The following BACH2 variants were observed in gnomAD, a reference collection of about 807,000 sequenced individuals.
The protein encoded by BACH2 is BACH transcriptional regulator 2.
BACH2 carries 5 observed loss-of-function variants against 61.8 expected under a neutral mutation model. The observed-to-expected ratio is 0.08, with a 90% CI of 0.04 to 0.17. The LOEUF is 0.17. BACH2 is among the 10% of genes least tolerant of loss of function. The pLI is 1.00. For missense variants in BACH2, 824 were observed against 1,091.1 expected (o/e 0.76, Z 3.45); for synonymous variants, 446 against 440.1 (o/e 1.01, Z -0.17).
intron 4 of BACH2, among the ~76,000 whole-genome samples, chr6:90,175,208 A>C (rs1767947611): frequency 6.6e-6 from 1 of 151,246 alleles, no homozygotes; most frequent in Admixed American, 6.6e-5. Context: ...TTCAAGTTGG[A>C]AAACACAGGC....
intron 5 of BACH2, among the ~76,000 whole-genome samples, chr6:90,057,369 C>G (rs1325263118): frequency 1.3e-5 from 2 of 152,172 alleles, no homozygotes; most frequent in African/African-American, 4.8e-5. Context: ...ACTAGAAAAT[C>G]TAGAAGAAAC....
chr6:90,227,231 A>G (rs1769945156), intron 3 of BACH2, among the ~76,000 whole-genome samples: 1 of 152,194 alleles, frequency 6.6e-6, no homozygotes, highest in Non-Finnish European at 1.5e-5. Flanking sequence ...TAATACACAT[A>G]AAGTGTTTGC....
At chr6:90,060,407 G>C (rs1348133033) in intron 5 of BACH2, among the ~76,000 whole-genome samples, 1 of 151,910 alleles carries the variant, frequency 6.6e-6, no homozygotes, top group Non-Finnish European at 1.5e-5. Context: ...TCATTAATTA[G>C]TCCATTACAA....
chr6:90,261,648 G>A (rs942920318), intron 2 of BACH2, among the ~76,000 whole-genome samples: 1 of 152,060 alleles, frequency 6.6e-6, no homozygotes, highest in African/African-American at 2.4e-5. Flanking sequence ...CATACCCTCA[G>A]ATCATTCCTT....
intron 4 of BACH2, among the ~76,000 whole-genome samples, chr6:90,169,272 T>C (rs1322589966): frequency 6.6e-6 from 1 of 152,250 alleles, no homozygotes; most frequent in African/African-American, 2.4e-5. Flanking sequence ...CAGAGTTCTT[T>C]ATCTTTACAA....
At position 89,929,532 on chromosome 6, in the gene BACH2, T is replaced by G. The variant is rs1453862014; in HGVS notation, c.*2876A>C. 6.6e-6 allele frequency: 1 copy of G among 152,340 alleles called. No individual in the cohort carries two copies. Among genetic ancestry groups the G allele is most frequent in the East Asian group, 1.9e-4 (1 of 5,334 alleles). 9.4% of individuals were successfully genotyped at this position (152,340 alleles called of 1,614,324 possible). On this transcript the variant is annotated 3_prime_UTR_variant, in exon 9 of 9. Transcript: ENST00000257749. ...TGAATGAAATAACTTGTGAGAAATC[T>G]CTATGAAATTGGAAGATGGTTTTTA...
In BACH2 at chr6:90,014,847, T is replaced by C. The variant is rs1291574460; in HGVS notation, c.-12-5991A>G. Among the ~76,000 whole-genome samples, 7 of 152,056 alleles carry C rather than the reference T, an allele frequency of 4.6e-5. No homozygotes were observed. In the East Asian group the frequency reaches 9.7e-4, roughly 21 times the overall value. ...TGGCTGGAGTGCAGTGGCGTGATCA[T>C]AGCTAACTGCAACCTCAAACTCCTG... On this transcript the variant is annotated intron_variant, in intron 5 of 8. Coordinates refer to ENST00000257749, the MANE Select transcript of BACH2 (RefSeq NM_021813.4).
At chr6:90,026,828 T>C (rs1311564469) in intron 5 of BACH2, among the ~76,000 whole-genome samples, 3 of 152,288 alleles carry the variant, frequency 2.0e-5, no homozygotes, top group African/African-American at 7.2e-5. Context: ...ATGGGGGTCT[T>C]TTGGACAAAA....
intron 1 of BACH2, among the ~76,000 whole-genome samples, chr6:90,281,132 C>T (rs1416850454): frequency 6.6e-6 from 1 of 152,182 alleles, no homozygotes; most frequent in Non-Finnish European, 1.5e-5. Context: ...ATTACATTCC[C>T]TGATCTAAAG....
At chr6:90,057,096 A>C (rs1780397821) in intron 5 of BACH2, among the ~76,000 whole-genome samples, 2 of 152,182 alleles carry the variant, frequency 1.3e-5, no homozygotes. Context: ...TTCAAAAGCT[A>C]GCAGAAGGCA....
intron 5 of BACH2, among the ~76,000 whole-genome samples, chr6:90,016,145 G>GA (rs1778047806): frequency 6.6e-6 from 1 of 151,898 alleles, no homozygotes; most frequent in South Asian, 2.1e-4. Context: ...ACCTTTTTGT[G>GA]TTTTTATATT....
chr6:90,150,063 T>G (rs1165306409), intron 4 of BACH2, among the ~76,000 whole-genome samples: 4 of 152,178 alleles, frequency 2.6e-5, no homozygotes, highest in Non-Finnish European at 5.9e-5. Context: ...ACATTAGGTC[T>G]CCTCCTCTTC....
At chr6:89,967,757 T>G (rs1041008051) in intron 6 of BACH2, among the ~76,000 whole-genome samples, 1 of 152,196 alleles carries the variant, frequency 6.6e-6, no homozygotes, top group African/African-American at 2.4e-5. Context: ...AAGGGAAAAC[T>G]AATACTGCTT....
In BACH2 at chr6:90,052,578, C is replaced by G. The variant is rs183083053; in HGVS notation, c.-13+36383G>C. On this transcript the variant is annotated intron_variant, in intron 5 of 8. Coordinates refer to ENST00000257749, the MANE Select transcript of BACH2 (RefSeq NM_021813.4). The stretch of plus-strand genomic sequence containing the variant: ...GGGATTACAGGTGCAGGCCAGCATG[C>G]CTGGCTAATTTTTCATATTTTTAGT... Among the ~76,000 whole-genome samples, 888 of 152,220 alleles carry G rather than the reference C, an allele frequency of 5.8e-3. 8 individuals are homozygous for G. Among genetic ancestry groups the G allele is most frequent in the Admixed American group, 0.012 (186 of 15,290 alleles).
chr6:90,050,543 G>T (rs1307800073), intron 5 of BACH2, among the ~76,000 whole-genome samples: 1 of 152,104 alleles, frequency 6.6e-6, no homozygotes, highest in Non-Finnish European at 1.5e-5. Flanking sequence ...CTTCTAGTAT[G>T]CTGGACATTA....
intron 5 of BACH2, among the ~76,000 whole-genome samples, chr6:90,035,571 T>C (rs1197471595): frequency 6.6e-6 from 1 of 152,070 alleles, no homozygotes; most frequent in Non-Finnish European, 1.5e-5. Flanking sequence ...GGGACTAAAA[T>C]CTTAGGCATT....
chr6:90,182,167 T>G (rs1035635831), intron 4 of BACH2, among the ~76,000 whole-genome samples: 2 of 152,202 alleles, frequency 1.3e-5, no homozygotes, highest in Non-Finnish European at 2.9e-5. Flanking sequence ...TACATAATTT[T>G]AATCACCACT....
At chr6:90,225,149 C>T (rs1769869896) in intron 3 of BACH2, among the ~76,000 whole-genome samples, 1 of 152,122 alleles carries the variant, frequency 6.6e-6, no homozygotes, top group Admixed American at 6.5e-5. Flanking sequence ...CTTTCTGAGG[C>T]CGAGGCGGGT....
intron 2 of BACH2, among the ~76,000 whole-genome samples, chr6:90,270,881 A>G (rs1423924701): frequency 2.0e-5 from 3 of 152,218 alleles, no homozygotes; most frequent in Non-Finnish European, 4.4e-5. Flanking sequence ...AAACAGGCAC[A>G]TAGACCAATG....
Sources: gnomAD v4.1 joint callset for allele counts (sites outside exome capture counted in the v4.1 genomes callset) on GRCh38, gnomAD v4.1.1 for gene constraint, MANE v1.5 for transcripts, NCBI Gene and HGNC (gene_info 2026-07-23, HGNC 2026-07-21) for gene names.